The following ADH6 variants were observed in gnomAD, a reference collection of about 807,000 sequenced individuals.
ADH6 encodes alcohol dehydrogenase 6.
ADH6 carries 34 observed loss-of-function variants against 36.5 expected under a neutral mutation model. The observed-to-expected ratio is 0.93, with a 90% confidence interval of 0.71 to 1.24. The LOEUF (loss-of-function observed/expected upper bound fraction) is 1.24, where lower values mean the gene tolerates loss of function less well. ADH6 is among the 50% of genes most tolerant of loss of function. The pLI is 0.00. For missense variants in ADH6, 440 were observed against 447.0 expected (o/e 0.98, Z 0.14); for synonymous variants, 161 against 155.5 (o/e 1.04, Z -0.26).
rs866920465 is a variant in ADH6 at position 99,208,771 on chromosome 4, A to AGGCAC, written c.720_724dup (p.Leu242ArgfsTer8). 1.2e-6 allele frequency: 2 copies of AGGCAC among 1,613,722 alleles called. No homozygotes were observed. Among genetic ancestry groups the AGGCAC allele is most frequent in the Non-Finnish European group, 1.7e-6 (2 of 1,179,808 alleles). Reference sequence around the variant, plus strand: ...GGGTTTCTTTAAGTCCTGAGGGTTGAGGCACTCAGTAGCACCCAATTCCTG... The same window carrying AGGCAC: ...GGGTTTCTTTAAGTCCTGAGGGTTGAGGCACGGCACTCAGTAGCACCCAATTCCTG... On this transcript the variant is annotated frameshift_variant, in exon 6 of 9. Coordinates refer to ENST00000394899, the MANE Select transcript of ADH6 (RefSeq NM_001102470.2). LOFTEE classifies it high-confidence loss of function.
In ADH6 at chr4:99,207,562, C is replaced by T; in HGVS notation, c.848G>A (p.Cys283Tyr). 1.2e-6 allele frequency: 2 copies of T among 1,613,290 alleles called. No homozygotes were observed. Among genetic ancestry groups the T allele is most frequent in the Middle Eastern group, 3.3e-4 (2 of 6,054 alleles). Residue 283 changes from cysteine to tyrosine, a missense_variant, in exon 7 of 9, where the codon TGC becomes TAC. By Grantham distance (194) the Cys-to-Tyr change is radical. Transcript: ENST00000394899. ...CACACAGACCCCATAGCTCTCATTG[C>T]AGGAGGCGAGGGCAGCTGCCTGTTA... Reference protein sequence around the residue: ...LDVLAAALASCNESYGVCVVV... With the variant: ...LDVLAAALASYNESYGVCVVV...
At chr4:99,209,037 A>G in intron 5 of ADH6, 109 bp from the exon 6 acceptor site, 1 of 1,202,690 alleles carries the variant, frequency 8.3e-7, no homozygotes, top group Non-Finnish European at 1.2e-6. Flanking sequence ...AACGAGTCAT[A>G]AGCAAATGAT....
At chr4:99,212,159 A>ATATAT in intron 3 of ADH6, among the ~76,000 whole-genome samples, 1 of 152,264 alleles carries the variant, frequency 6.6e-6, no homozygotes, top group East Asian at 1.9e-4. Flanking sequence ...CTAGAATTGA[A>ATATAT]ACTGTTGTGT....
intron 3 of ADH6, 69 bp from the exon 4 acceptor site, chr4:99,210,571 A>G (rs984817556): frequency 7.9e-7 from 1 of 1,263,674 alleles, no homozygotes; most frequent in South Asian, 1.3e-5. Context: ...GTCTTTCAGG[A>G]TTTTGACAGC....
intron 6 of ADH6, chr4:99,208,360 TATCTC>T: frequency 4.5e-6 from 1 of 223,796 alleles, no homozygotes; most frequent in Non-Finnish European, 8.6e-6. Flanking sequence ...CTTGGAAACT[TATCTC>T]AGATCTGACA....
chr4:99,211,885 C>T (rs1473807010), intron 3 of ADH6, among the ~76,000 whole-genome samples: 2 of 152,070 alleles, frequency 1.3e-5, no homozygotes, highest in African/African-American at 2.4e-5. Context: ...GTCCTATAGC[C>T]TCAAGGAATT....
chr4:99,208,505 A>C, intron 6 of ADH6, 163 bp downstream of exon 6: 6 of 697,788 alleles, frequency 8.6e-6, no homozygotes, highest in Non-Finnish European at 1.1e-5. Flanking sequence ...GGGATAGTGA[A>C]CAAATTTGTA....
chr4:99,212,069 T>G (rs1053185324), intron 3 of ADH6, among the ~76,000 whole-genome samples: 3 of 152,166 alleles, frequency 2.0e-5, no homozygotes, highest in Admixed American at 6.6e-5. Context: ...TTGTGTTGTT[T>G]TAAACTGTTA....
At chr4:99,207,299 T>C in intron 7 of ADH6, 147 bp downstream of exon 7, 1 of 1,006,886 alleles carries the variant, frequency 9.9e-7, no homozygotes, top group Non-Finnish European at 1.4e-6. Flanking sequence ...TATCCATCCC[T>C]TTATATTGGG....
Position 99,208,886 on chromosome 4 carries a change from C to T in ADH6, c.610G>A (p.Val204Ile), listed in dbSNP as rs749335577. ...CAACCCATGACAACAGACAAGCCGACTCCTCCCAGGCCAAACACAGCACAG... is the reference window on the plus strand; with the variant it reads ...CAACCCATGACAACAGACAAGCCGATTCCTCCCAGGCCAAACACAGCACAG... ...STCAVFGLGG[V>I]GLSVVMGCKA... The change falls in exon 6 of 9, where the codon GTC becomes ATC. Residue 204 changes from valine (V) to isoleucine (I), a missense_variant. Coordinates refer to ENST00000394899, the MANE Select transcript of ADH6 (RefSeq NM_001102470.2). The T allele has an allele frequency of 9.3e-6, 15 of 1,613,624 alleles. No individual in the cohort carries two copies. The African/African-American group carries it at 1.9e-4, about 20-fold the overall frequency.
Position 99,207,549 on chromosome 4 carries a change from A to G in ADH6, c.861T>C (p.Tyr287=). The change falls in exon 7 of 9, where the codon TAT becomes TAC. Residue 287 remains tyrosine, a synonymous_variant. Transcript: ENST00000394899. The stretch of plus-strand genomic sequence containing the variant: ...ACACCCCAACAACCACACAGACCCC[A>G]TAGCTCTCATTGCAGGAGGCGAGGG... The part of the protein sequence containing the change: ...AAALASCNES[Y]GVCVVVGVLP... The G allele has an allele frequency of 2.5e-6, 4 of 1,613,410 alleles. No homozygotes were observed. In the South Asian group the frequency reaches 4.4e-5, roughly 18 times the overall value.
intron 2 of ADH6, among the ~76,000 whole-genome samples, chr4:99,214,443 T>C (rs1017123706): frequency 3.3e-5 from 5 of 152,194 alleles, no homozygotes; most frequent in African/African-American, 1.2e-4. Flanking sequence ...AAAGGAATAA[T>C]GTTTCCTATT....
chr4:99,215,392 G>A (rs1356614007), intron 2 of ADH6, among the ~76,000 whole-genome samples: 1 of 152,168 alleles, frequency 6.6e-6, no homozygotes, highest in Non-Finnish European at 1.5e-5. Flanking sequence ...TTCTAGTTTG[G>A]AGGAGGCCTA....
At chr4:99,213,476 C>T (rs1731296586) in intron 3 of ADH6, 130 bp downstream of exon 3, 3 of 810,524 alleles carry the variant, frequency 3.7e-6, no homozygotes, top group Non-Finnish European at 5.4e-6. Flanking sequence ...TTTATCCCTA[C>T]TTTTCTAAGA....
At chr4:99,209,922 G>A (rs1439580685) in intron 5 of ADH6, among the ~76,000 whole-genome samples, 160 bp downstream of exon 5, 2 of 152,094 alleles carry the variant, frequency 1.3e-5, no homozygotes, top group Admixed American at 6.6e-5. Flanking sequence ...AATGTTGAAG[G>A]GGGTGTGGGA....
chr4:99,217,321 C>G (rs1405719424), intron 1 of ADH6, among the ~76,000 whole-genome samples: 4 of 152,192 alleles, frequency 2.6e-5, no homozygotes, highest in Non-Finnish European at 5.9e-5. Context: ...CAGGCGTGAG[C>G]CACCACGCCC....
At chr4:99,206,244 T>G (rs1167333368) in intron 7 of ADH6, among the ~76,000 whole-genome samples, 1 of 152,136 alleles carries the variant, frequency 6.6e-6, no homozygotes, top group Non-Finnish European at 1.5e-5. Context: ...TTAGCAGGAC[T>G]GTCCAACACC....
intron 2 of ADH6, among the ~76,000 whole-genome samples, chr4:99,214,852 T>C (rs745996891): frequency 1.3e-5 from 2 of 152,206 alleles, no homozygotes; most frequent in Non-Finnish European, 2.9e-5. Context: ...TCAGACCTCA[T>C]AGACCTAGAC....
intron 1 of ADH6, among the ~76,000 whole-genome samples, 177 bp downstream of exon 1, chr4:99,218,958 G>A (rs554164899): frequency 6.6e-6 from 1 of 152,298 alleles, no homozygotes; most frequent in African/African-American, 2.4e-5. Context: ...TGAAAGAACT[G>A]AGGGAAGTCA....
Sources: gnomAD v4.1 joint callset for allele counts (sites outside exome capture counted in the v4.1 genomes callset) on GRCh38, gnomAD v4.1.1 for gene constraint, MANE v1.5 for transcripts, NCBI Gene and HGNC (gene_info 2026-07-23, HGNC 2026-07-21) for gene names.